The following LHX8 variants were observed in gnomAD, a reference collection of about 807,000 sequenced individuals.
The protein encoded by LHX8 is LIM homeobox 8, also known as LIM/homeobox protein Lhx8.
Under a neutral mutation model 40.3 loss-of-function variants are expected in LHX8, and 12 were observed. The observed-to-expected ratio is 0.30, with a 90% CI of 0.19 to 0.48. LHX8 has a LOEUF of 0.48. Ranked by LOEUF, LHX8 falls within the 20% of genes least tolerant of loss-of-function variation. The probability of loss-of-function intolerance (pLI) is 0.99; values close to 1 mark genes in which losing one functional copy is unlikely to be tolerated. For missense variants in LHX8, 344 were observed against 433.7 expected, an observed-to-expected ratio of 0.79 and a Z score of 1.84; for synonymous variants, 179 against 162.0, an observed-to-expected ratio of 1.10 and a Z score of -0.80.
the LHX8 span, among the ~76,000 whole-genome samples, chr1:75,170,864 T>C: frequency 6.6e-6 from 1 of 152,218 alleles, no homozygotes; most frequent in South Asian, 2.1e-4. Context: ...CTGTTTATTT[T>C]TCTAGTGTCT....
At chr1:75,136,578 A>T in intron 1 of LHX8, 25 bp from the exon 2 acceptor site, 1 of 1,507,628 alleles carries the variant, frequency 6.6e-7, no homozygotes, top group South Asian at 1.2e-5. Flanking sequence ...GTTTCTCCAT[A>T]CTTTCTCCCC....
At chr1:75,178,641 T>G in the LHX8 span, among the ~76,000 whole-genome samples, 3 of 152,078 alleles carry the variant, frequency 2.0e-5, no homozygotes, top group African/African-American at 7.2e-5. Flanking sequence ...ATTCAGTGAT[T>G]TTTTGAAGGG....
chr1:75,140,841 A>G (rs1283482830), intron 3 of LHX8, 144 bp from the exon 4 acceptor site: 1 of 819,564 alleles, frequency 1.2e-6, no homozygotes, highest in Non-Finnish European at 2.0e-6. Context: ...TGACATCTTA[A>G]AAAAAAATGA....
At chr1:75,192,532 C>A in the LHX8 span, among the ~76,000 whole-genome samples, 1 of 152,224 alleles carries the variant, frequency 6.6e-6, no homozygotes, top group East Asian at 1.9e-4. Context: ...ATCAGTGCCC[C>A]TTCCTGGACC....
chr1:75,143,425 T>C lies in LHX8; in HGVS notation c.580+87T>C, dbSNP rs1648374110. 4.4e-6 allele frequency: 4 copies of C among 914,694 alleles called. No individual in the cohort carries two copies. In the African/African-American group the frequency reaches 6.7e-5, roughly 15 times the overall value. 56.7% of individuals were successfully genotyped at this position (914,694 alleles called of 1,614,324 possible). Reference sequence around the variant, plus strand: ...CTTTTCCTAAGGTCATCTTAATGCATTATTTTGTACAATGTATAAGTGTGG... The same window carrying C: ...CTTTTCCTAAGGTCATCTTAATGCACTATTTTGTACAATGTATAAGTGTGG... On this transcript the variant is annotated intron_variant, in intron 5 of 8. Transcript: ENST00000356261.
chr1:75,145,910 T>TA (rs1388735281), intron 6 of LHX8, among the ~76,000 whole-genome samples: 3 of 152,172 alleles, frequency 2.0e-5, no homozygotes, highest in African/African-American at 7.2e-5. Context: ...GAAAGCATAT[T>TA]ACCATTTTCA....
chr1:75,134,953 A>T lies in LHX8; in HGVS notation c.-14A>T. ...TCGAGCCTAAGGCGCTCTCAGGTCC[A>T]TGTGAGTCGTGCTTTTGTTCTATTT... is the stretch of plus-strand genomic sequence containing the variant. On this transcript the variant is annotated splice_region_variant and 5_prime_UTR_variant, in exon 1 of 9. Transcript: ENST00000356261. 1 of 984,920 alleles carries T rather than the reference A, an allele frequency of 1.0e-6. No individual in the cohort carries two copies. The highest frequency in any genetic ancestry group is 1.1e-4 in the East Asian group (1 of 8,792). The allele number at this position is 984,920 out of a possible 1,614,324, so 61.0% of individuals were successfully genotyped here. A position where few individuals can be genotyped will look rare whatever the true frequency, so the allele number is the denominator to read the frequency against.
intron 6 of LHX8, among the ~76,000 whole-genome samples, chr1:75,144,457 G>A (rs1376646484): frequency 6.6e-6 from 1 of 152,100 alleles, no homozygotes; most frequent in African/African-American, 2.4e-5. Context: ...GGAAACTACT[G>A]GTTGACTACA....
rs796962153 is a variant in LHX8, at chr1:75,137,378, AG to A, written c.237+119del. On this transcript the variant is annotated intron_variant, in intron 3 of 8. Transcript: ENST00000356261. The stretch of plus-strand genomic sequence containing the variant: ...CGTTCAAGTTCTGGGTGAAGGTTGT[AG>A]GCTTTTGCAGAAAATCAGCCCAGTT... The A allele has an allele frequency of 1.1e-5, 11 of 1,016,730 alleles. No individual in the cohort carries two copies. The African/African-American group carries it at 1.8e-4, about 16-fold the overall frequency. The allele number at this position is 1,016,730 out of a possible 1,614,324, so 63.0% of individuals were successfully genotyped here. A position where few individuals can be genotyped will look rare whatever the true frequency, so the allele number is the denominator to read the frequency against.
the LHX8 span, among the ~76,000 whole-genome samples, chr1:75,197,514 C>G: frequency 2.0e-5 from 3 of 152,120 alleles, no homozygotes; most frequent in Non-Finnish European, 2.9e-5. Context: ...AAATGATTTG[C>G]CTATCTATAG....
intron 2 of LHX8, 28 bp downstream of exon 2, chr1:75,136,717 C>T: frequency 6.6e-7 from 1 of 1,522,814 alleles, no homozygotes; most frequent in Non-Finnish European, 8.8e-7. Flanking sequence ...CGCGTGCTGG[C>T]AAGACTGGCC....
At position 75,134,821 on chromosome 1, in the gene LHX8, AT is replaced by A. The variant is rs5775273; in HGVS notation, c.-134del. 0.19 allele frequency: 121,050 copies of A among 643,172 alleles called. 6,609 individuals are homozygous for A. Among genetic ancestry groups the A allele is most frequent in the South Asian group, 0.3 (4,355 of 14,330 alleles). 39.8% of individuals were successfully genotyped at this position (643,172 alleles called of 1,614,324 possible). ...AACGGCCTCATCTTCAGACCTGGCA[AT>A]TTTTTTTTTTTATTACGTAGTAGCG... On this transcript the variant is annotated 5_prime_UTR_variant, in exon 1 of 9. Transcript: ENST00000356261.
At chr1:75,156,175 A>G (rs897428333) in intron 7 of LHX8, among the ~76,000 whole-genome samples, 2 of 151,794 alleles carry the variant, frequency 1.3e-5, no homozygotes, top group African/African-American at 4.8e-5. Context: ...TTTTTAAAAA[A>G]TCTAATGGAG....
At chr1:75,148,244 G>A (rs1648515997) in intron 6 of LHX8, among the ~76,000 whole-genome samples, 2 of 152,104 alleles carry the variant, frequency 1.3e-5, no homozygotes, top group Admixed American at 6.6e-5. Flanking sequence ...TCAAATGTTG[G>A]CAGTTTTTAA....
intron 3 of LHX8, 152 bp from the exon 4 acceptor site, chr1:75,140,833 A>G: frequency 1.3e-6 from 1 of 753,060 alleles, no homozygotes. Context: ...TACAAAAATG[A>G]CATCTTAAAA....
chr1:75,178,589 G>A, the LHX8 span, among the ~76,000 whole-genome samples: 2 of 151,866 alleles, frequency 1.3e-5, no homozygotes, highest in African/African-American at 4.8e-5. Flanking sequence ...CTTGCTAGAG[G>A]TCTATCAATT....
the LHX8 span, among the ~76,000 whole-genome samples, chr1:75,184,723 C>T: frequency 1.3e-5 from 2 of 151,742 alleles, no homozygotes. Flanking sequence ...GAGGCAAGAG[C>T]AACCCCAAAG....
upstream of LHX8, chr1:75,130,444 G>T (rs1194137916): frequency 1.8e-6 from 1 of 565,324 alleles, no homozygotes. Flanking sequence ...CGAAGGCAGG[G>T]TCTGCCCGCC....
chr1:75,156,517 C>T (rs891130736), intron 7 of LHX8, among the ~76,000 whole-genome samples: 64 of 152,164 alleles, frequency 4.2e-4, no homozygotes, highest in African/African-American at 1.4e-3. Context: ...GCTGGAATTA[C>T]AGACATGAGC....
Sources: allele counts gnomAD v4.1 joint callset (sites outside exome capture counted in the v4.1 genomes callset), GRCh38; gene constraint gnomAD v4.1.1; transcripts MANE v1.5; gene names NCBI Gene and HGNC (gene_info 2026-07-23, HGNC 2026-07-21).